WWOX: variants seen among roughly 807,000 people sequenced by gnomAD.
The protein encoded by WWOX is WW domain-containing oxidoreductase.
WWOX carries 69 observed loss-of-function variants against 46.2 expected under a neutral mutation model. The observed-to-expected ratio is 1.49, with a 90% CI of 1.23 to 1.82. WWOX has a LOEUF of 1.82. Ranked by LOEUF, WWOX falls within the 40% of genes most tolerant of loss-of-function variation. The pLI is 0.00. For synonymous variants in WWOX, 359 were observed against 202.6 expected, an observed-to-expected ratio of 1.77 and a Z score of -6.56; for missense variants, 919 against 542.6, an observed-to-expected ratio of 1.69 and a Z score of -6.89.
At chr16:78,960,266 G>T (rs995144586) in intron 8 of WWOX, among the ~76,000 whole-genome samples, 1 of 152,190 alleles carries the variant, frequency 6.6e-6, no homozygotes, top group African/African-American at 2.4e-5. Context: ...CCCACCTCCA[G>T]CTATGAAAGA....
At chr16:78,517,653 A>G (rs763496745) in intron 8 of WWOX, among the ~76,000 whole-genome samples, 1 of 152,132 alleles carries the variant, frequency 6.6e-6, no homozygotes, top group Non-Finnish European at 1.5e-5. Context: ...GCTCCCCGCA[A>G]TCCATGTCTG....
chr16:79,199,361 C>A (rs921887076), intron 8 of WWOX, among the ~76,000 whole-genome samples: 9 of 152,140 alleles, frequency 5.9e-5, no homozygotes, highest in East Asian at 1.9e-4. Flanking sequence ...TGGTGCCAGG[C>A]CTCTCCTGTC....
At chr16:79,179,203 A>G (rs956910486) in intron 8 of WWOX, among the ~76,000 whole-genome samples, 1 of 152,250 alleles carries the variant, frequency 6.6e-6, no homozygotes, top group African/African-American at 2.4e-5. Flanking sequence ...CATTAAACTC[A>G]GAGATGTAAA....
At chr16:78,483,857 A>G (rs932704134) in intron 8 of WWOX, among the ~76,000 whole-genome samples, 1 of 152,210 alleles carries the variant, frequency 6.6e-6, no homozygotes, top group East Asian at 1.9e-4. Context: ...ATCATGATGC[A>G]AGCATTGACT....
chr16:78,811,199 T>G (rs1288823015), intron 8 of WWOX, among the ~76,000 whole-genome samples: 1 of 152,230 alleles, frequency 6.6e-6, no homozygotes, highest in Non-Finnish European at 1.5e-5. Flanking sequence ...TTCTTAGTTG[T>G]GATCTACCTT....
At chr16:78,319,215 G>A (rs958533748) in intron 5 of WWOX, among the ~76,000 whole-genome samples, 10 of 152,044 alleles carry the variant, frequency 6.6e-5, no homozygotes, top group African/African-American at 2.4e-4. Flanking sequence ...TCTAGAAGGT[G>A]GAAAAGGCAA....
chr16:78,468,579 A>G (rs2084141380), intron 8 of WWOX, among the ~76,000 whole-genome samples: 1 of 152,076 alleles, frequency 6.6e-6, no homozygotes, highest in African/African-American at 2.4e-5. Context: ...AGTTACAGGG[A>G]GTGCTAGGGT....
intron 8 of WWOX, among the ~76,000 whole-genome samples, chr16:79,096,018 T>TTTTTC (rs753100702): frequency 7.8e-6 from 1 of 127,500 alleles, no homozygotes; most frequent in Non-Finnish European, 1.6e-5. Context: ...CCCGGATAAT[T>TTTTTC]TTTTTTTTTT....
rs747878002 is a variant in WWOX at position 78,109,773 on chromosome 16, T to C, written c.173-5T>C. On this transcript the variant is annotated splice_region_variant and splice_polypyrimidine_tract_variant and intron_variant, in intron 2 of 8. Coordinates refer to ENST00000566780, the MANE Select transcript of WWOX (RefSeq NM_016373.4). ...ACCTGTAGACCTGTCTTTCTTGTGT[T>C]TCAGATTTGCCATACGGATGGGAAC... 31 of 1,614,034 alleles carry C rather than the reference T, an allele frequency of 1.9e-5. No homozygotes were observed. The East Asian group carries it at 6.5e-4, about 34-fold the overall frequency.
At chr16:78,936,499 C>G (rs1379432563) in intron 8 of WWOX, among the ~76,000 whole-genome samples, 3 of 152,082 alleles carry the variant, frequency 2.0e-5, no homozygotes, top group Non-Finnish European at 4.4e-5. Context: ...TAGCAAGCAG[C>G]TGAGGCAACC....
At chr16:78,564,636 C>G (rs1428955824) in intron 8 of WWOX, among the ~76,000 whole-genome samples, 1 of 152,154 alleles carries the variant, frequency 6.6e-6, no homozygotes, top group Non-Finnish European at 1.5e-5. Flanking sequence ...AACCTCATAT[C>G]TGAGAATATT....
intron 8 of WWOX, among the ~76,000 whole-genome samples, chr16:78,806,661 C>G (rs117865721): frequency 6.6e-6 from 1 of 152,078 alleles, no homozygotes; most frequent in Non-Finnish European, 1.5e-5. Context: ...AGAGAAAGAA[C>G]CAAGCAGATG....
intron 8 of WWOX, among the ~76,000 whole-genome samples, chr16:78,976,424 G>T (rs566466496): frequency 6.6e-6 from 1 of 152,208 alleles, no homozygotes; most frequent in South Asian, 2.1e-4. Flanking sequence ...TGTGATGTGC[G>T]TGGGCCTGTG....
At chr16:78,969,171 G>C (rs1156664268) in intron 8 of WWOX, among the ~76,000 whole-genome samples, 1 of 151,940 alleles carries the variant, frequency 6.6e-6, no homozygotes, top group African/African-American at 2.4e-5. Context: ...TCTGGGCACT[G>C]AATTCAGTCA....
chr16:78,994,640 T>C (rs1273585128), intron 8 of WWOX, among the ~76,000 whole-genome samples: 2 of 152,084 alleles, frequency 1.3e-5, no homozygotes, highest in South Asian at 2.1e-4. Flanking sequence ...GAATTCTCTA[T>C]GAAATAATGG....
At chr16:79,018,727 G>A (rs2047467839) in intron 8 of WWOX, among the ~76,000 whole-genome samples, 2 of 152,200 alleles carry the variant, frequency 1.3e-5, no homozygotes, top group African/African-American at 4.8e-5. Context: ...ATTCTGCAGA[G>A]CCATAAACCA....
At chr16:78,514,478 A>C (rs2085440638) in intron 8 of WWOX, among the ~76,000 whole-genome samples, 1 of 152,142 alleles carries the variant, frequency 6.6e-6, no homozygotes, top group African/African-American at 2.4e-5. Context: ...GTGAGCTAAA[A>C]AGTTAGCAAA....
chr16:78,653,408 T>C (rs1233873017), intron 8 of WWOX, among the ~76,000 whole-genome samples: 2 of 152,220 alleles, frequency 1.3e-5, no homozygotes, highest in Non-Finnish European at 2.9e-5. Context: ...AAAATCCTTT[T>C]GCCTCTAATG....
At chr16:78,737,695 G>A (rs185492930) in intron 8 of WWOX, among the ~76,000 whole-genome samples, 96 of 152,252 alleles carry the variant, frequency 6.3e-4, no homozygotes, top group Admixed American at 1.8e-3. Flanking sequence ...AGGAAAAGGG[G>A]TATAAGAATC....
Sources: allele counts gnomAD v4.1 joint callset (sites outside exome capture counted in the v4.1 genomes callset), GRCh38; gene constraint gnomAD v4.1.1; transcripts MANE v1.5; gene names NCBI Gene and HGNC (gene_info 2026-07-23, HGNC 2026-07-21).